RSRC1: variants seen among roughly 807,000 people sequenced by gnomAD.
RSRC1 encodes the protein arginine and serine rich coiled-coil 1, also known as serine/Arginine-related protein 53.
In RSRC1, 39 loss-of-function variants were observed where a neutral mutation model predicts 49.1. The observed-to-expected ratio is 0.79, with a 90% CI of 0.61 to 1.04. RSRC1 has a LOEUF of 1.04. Among genes scored for constraint, RSRC1 ranks in the 50% least tolerant of loss-of-function variants. The pLI is 0.00. For missense variants in RSRC1, 388 were observed against 402.4 expected, an observed-to-expected ratio of 0.96 and a Z score of 0.31; for synonymous variants, 143 against 130.8, an observed-to-expected ratio of 1.09 and a Z score of -0.63.
intron 6 of RSRC1, among the ~76,000 whole-genome samples, chr3:158,363,342 C>A (rs1334014968): frequency 6.6e-6 from 1 of 151,528 alleles, no homozygotes; most frequent in African/African-American, 2.4e-5. Context: ...CGGCTCACCA[C>A]GTCCTCTGTC....
At chr3:158,377,183 G>T (rs1489009496) in intron 6 of RSRC1, among the ~76,000 whole-genome samples, 1 of 152,112 alleles carries the variant, frequency 6.6e-6, no homozygotes, top group East Asian at 1.9e-4. Context: ...GTTTCAGTCT[G>T]CAAATTTATG....
At chr3:158,174,501 C>G (rs1051158504) in intron 3 of RSRC1, among the ~76,000 whole-genome samples, 2 of 151,872 alleles carry the variant, frequency 1.3e-5, no homozygotes, top group African/African-American at 4.8e-5. Flanking sequence ...CCCTTGAACC[C>G]CTGCTCATAC....
intron 4 of RSRC1, among the ~76,000 whole-genome samples, chr3:158,258,207 C>A (rs914479423): frequency 3.4e-5 from 3 of 88,886 alleles, no homozygotes; most frequent in Non-Finnish European, 6.6e-5. Context: ...CTCCTTTTAA[C>A]CTTTTTTTTT....
chr3:158,145,431 C>G (rs1188712371), intron 3 of RSRC1, among the ~76,000 whole-genome samples: 5 of 152,166 alleles, frequency 3.3e-5, no homozygotes, highest in African/African-American at 1.2e-4. Flanking sequence ...TGTCAAAGAT[C>G]AGATAGTTGT....
chr3:158,425,600 C>A (rs568570970), intron 6 of RSRC1, among the ~76,000 whole-genome samples: 1 of 151,574 alleles, frequency 6.6e-6, no homozygotes, highest in East Asian at 2.0e-4. Flanking sequence ...CTATTAGGTC[C>A]GCTTGGTGCA....
chr3:158,484,707 A>G (rs1474658638), intron 7 of RSRC1, among the ~76,000 whole-genome samples: 1 of 152,140 alleles, frequency 6.6e-6, no homozygotes, highest in Non-Finnish European at 1.5e-5. Flanking sequence ...GACTCAAACA[A>G]TTTTTGGAAA....
chr3:158,519,796 T>C (rs1287555549), intron 7 of RSRC1, among the ~76,000 whole-genome samples: 2 of 152,112 alleles, frequency 1.3e-5, no homozygotes, highest in Non-Finnish European at 2.9e-5. Context: ...GCTAAAGATT[T>C]GAGGGTCACC....
intron 4 of RSRC1, among the ~76,000 whole-genome samples, chr3:158,274,539 C>T (rs751613737): frequency 1.3e-5 from 2 of 151,970 alleles, no homozygotes; most frequent in African/African-American, 4.8e-5. Context: ...ATTAACTAAG[C>T]CTTTTGAAAC....
At chr3:158,157,610 T>G (rs543651977) in intron 3 of RSRC1, among the ~76,000 whole-genome samples, 1 of 152,180 alleles carries the variant, frequency 6.6e-6, no homozygotes, top group Non-Finnish European at 1.5e-5. Flanking sequence ...ATAACTGCTC[T>G]GTAGATTGTC....
intron 6 of RSRC1, among the ~76,000 whole-genome samples, chr3:158,423,980 A>G (rs1230990885): frequency 1.3e-4 from 19 of 150,548 alleles, no homozygotes; most frequent in East Asian, 9.8e-4. Flanking sequence ...GGGCTGAGAC[A>G]ATGGGGTTTT....
chr3:158,216,343 T>C (rs75998978), intron 4 of RSRC1, among the ~76,000 whole-genome samples: 485 of 151,610 alleles, frequency 3.2e-3, no homozygotes, highest in Middle Eastern at 0.01. Flanking sequence ...ATCTGCTAAG[T>C]GTATCTGTTG....
intron 5 of RSRC1, among the ~76,000 whole-genome samples, chr3:158,311,543 A>G (rs1047905075): frequency 6.6e-6 from 1 of 151,936 alleles, no homozygotes; most frequent in Non-Finnish European, 1.5e-5. Context: ...GTGTTTTTTA[A>G]AAAATACAGC....
chr3:158,493,202 G>T (rs1739160204), intron 7 of RSRC1, among the ~76,000 whole-genome samples: 1 of 152,150 alleles, frequency 6.6e-6, no homozygotes, highest in South Asian at 2.1e-4. Context: ...CATCTACTGA[G>T]TTGAAGCAGT....
At chr3:158,528,557 G>A (rs1243651910) in intron 7 of RSRC1, among the ~76,000 whole-genome samples, 1 of 151,824 alleles carries the variant, frequency 6.6e-6, no homozygotes, top group East Asian at 1.9e-4. Context: ...GTGGTTATGG[G>A]GTGTTTAGAG....
chr3:158,117,543 C>T (rs995778822), intron 1 of RSRC1, among the ~76,000 whole-genome samples: 4 of 152,214 alleles, frequency 2.6e-5, no homozygotes, highest in Middle Eastern at 3.4e-3. Flanking sequence ...CCACCCACTT[C>T]GGCCTGCCAA....
intron 3 of RSRC1, among the ~76,000 whole-genome samples, chr3:158,194,119 G>A (rs1720405844): frequency 6.7e-6 from 1 of 150,034 alleles, no homozygotes; most frequent in South Asian, 2.1e-4. Context: ...GAAATTAGCT[G>A]AGCATGGTGG....
intron 7 of RSRC1, among the ~76,000 whole-genome samples, chr3:158,523,676 A>C (rs932552482): frequency 6.6e-6 from 1 of 152,146 alleles, no homozygotes; most frequent in Middle Eastern, 3.4e-3. Flanking sequence ...TGATTAGGAA[A>C]CAAAAAGAAG....
chr3:158,510,806 C>G (rs1458550435), intron 7 of RSRC1, among the ~76,000 whole-genome samples: 1 of 151,870 alleles, frequency 6.6e-6, no homozygotes, highest in African/African-American at 2.4e-5. Context: ...AAGACAAATC[C>G]CACACTTGAT....
chr3:158,510,913 C>T (rs1226991856), intron 7 of RSRC1, among the ~76,000 whole-genome samples: 1 of 152,000 alleles, frequency 6.6e-6, no homozygotes, highest in African/African-American at 2.4e-5. Context: ...ATAAATTGAC[C>T]AACTACAATG....
Sources: allele counts gnomAD v4.1 joint callset (sites outside exome capture counted in the v4.1 genomes callset), GRCh38; gene constraint gnomAD v4.1.1; transcripts MANE v1.5; gene names NCBI Gene and HGNC (gene_info 2026-07-23, HGNC 2026-07-21).